The following TUSC3 variants were observed in gnomAD, a reference collection of about 807,000 sequenced individuals.
The protein encoded by TUSC3 is tumor suppressor candidate 3.
TUSC3 carries 45 observed loss-of-function variants against 44.8 expected under a neutral mutation model. The ratio of observed to expected loss-of-function variants is 1.00; its 90% CI spans 0.79 to 1.29. TUSC3 has a LOEUF of 1.29. Among genes scored for constraint, TUSC3 ranks in the 50% most tolerant of loss-of-function variants. TUSC3 has a pLI of 0.00. For synonymous variants in TUSC3, 212 were observed against 152.9 expected, an observed-to-expected ratio of 1.39 and a Z score of -2.85; for missense variants, 519 against 437.9, an observed-to-expected ratio of 1.19 and a Z score of -1.65.
At chr8:15,787,932 A>C in the TUSC3 span, among the ~76,000 whole-genome samples, 480 of 152,360 alleles carry the variant, frequency 3.2e-3, 6 homozygotes, top group East Asian at 0.06. Flanking sequence ...TTATGTAGTC[A>C]TAACAGGTAA....
At chr8:15,547,616 C>G (rs1453090836) in intron 1 of TUSC3, among the ~76,000 whole-genome samples, 1 of 150,640 alleles carries the variant, frequency 6.6e-6, no homozygotes, top group Non-Finnish European at 1.5e-5. Context: ...TGTTTATGTT[C>G]CCACAAAATT....
At chr8:15,609,930 T>G (rs1804691337) in intron 1 of TUSC3, among the ~76,000 whole-genome samples, 2 of 152,138 alleles carry the variant, frequency 1.3e-5, no homozygotes, top group Admixed American at 6.6e-5. Flanking sequence ...TTCCACTTAC[T>G]GTTATGATAT....
At chr8:15,498,501 A>G in intron 2 of TUSC3, among the ~76,000 whole-genome samples, 1 of 152,214 alleles carries the variant, frequency 6.6e-6, no homozygotes, top group Admixed American at 6.5e-5. Flanking sequence ...GTGAGTTGCC[A>G]AGGAATCCAC....
In TUSC3 at chr8:15,651,010, C is replaced by T. The variant is rs73195129; in HGVS notation, c.426+196C>T. 6 of 558,054 alleles carry T rather than the reference C, an allele frequency of 1.1e-5. No individual in the cohort carries two copies. In the African/African-American group the frequency reaches 1.2e-4, roughly 11 times the overall value. The allele number at this position is 558,054 out of a possible 1,614,324, so 34.6% of individuals were successfully genotyped here. A position where few individuals can be genotyped will look rare whatever the true frequency, so the allele number is the denominator to read the frequency against. On this transcript the variant is annotated intron_variant, in intron 3 of 10. Transcript: ENST00000503731. ...ACACACACACACACACACACACACACACACACACACACAAATACAATTCAT... is the reference window on the plus strand; with the variant it reads ...ACACACACACACACACACACACACATACACACACACACAAATACAATTCAT...
At position 15,466,158 on chromosome 8, in the gene TUSC3, A is replaced by T. The variant is rs373207354; in HGVS notation, n.92-17228A>T. ...AATGACCTCACTATTATTTTGAAACATGTATGTTAAAGGTTGTTTTTCTCC... is the reference window on the plus strand; with the variant it reads ...AATGACCTCACTATTATTTTGAAACTTGTATGTTAAAGGTTGTTTTTCTCC... On this transcript the variant is annotated intron_variant and non_coding_transcript_variant, in intron 1 of 5. Coordinates refer to the TUSC3 transcript ENST00000503191. 5.4e-4 allele frequency among the ~76,000 whole-genome samples: 82 copies of T among 152,252 alleles called. 1 individual carries two copies. The South Asian group carries it at 0.016, about 29-fold the overall frequency.
chr8:15,511,312 T>C (rs1277005177), intron 2 of TUSC3, among the ~76,000 whole-genome samples: 19 of 151,772 alleles, frequency 1.3e-4, no homozygotes, highest in Admixed American at 1.1e-3. Flanking sequence ...GAAATCCAGA[T>C]TGGAATAGAA....
intron 1 of TUSC3, among the ~76,000 whole-genome samples, chr8:15,550,994 A>C (rs1283426842): frequency 6.6e-6 from 1 of 151,760 alleles, no homozygotes; most frequent in East Asian, 1.9e-4. Flanking sequence ...GACCTTGTAA[A>C]AATTCTAGAT....
chr8:15,518,480 G>GATAATAATAAAT, intron 2 of TUSC3, among the ~76,000 whole-genome samples: 1 of 152,168 alleles, frequency 6.6e-6, no homozygotes, highest in Admixed American at 6.5e-5. Flanking sequence ...CTATATATGG[G>GATAATAATAAAT]ATATTATATT....
chr8:15,646,278 CTATT>C (rs1490464511), intron 2 of TUSC3, among the ~76,000 whole-genome samples: 1 of 152,064 alleles, frequency 6.6e-6, no homozygotes, highest in Non-Finnish European at 1.5e-5. Flanking sequence ...GAAACACAGA[CTATT>C]TGAGTGTGGT....
intron 1 of TUSC3, among the ~76,000 whole-genome samples, chr8:15,559,469 T>A (rs995750512): frequency 6.8e-6 from 1 of 147,098 alleles, no homozygotes; most frequent in African/African-American, 2.5e-5. Flanking sequence ...CTGACAAAAA[T>A]GTATATTCTG....
chr8:15,714,284 C>A (rs543283282), intron 6 of TUSC3, among the ~76,000 whole-genome samples: 3 of 152,060 alleles, frequency 2.0e-5, no homozygotes, highest in African/African-American at 7.2e-5. Context: ...GTGTAAATAA[C>A]AAGTGTAGCA....
At chr8:15,435,787 C>T (rs1054734864) in intron 1 of TUSC3, among the ~76,000 whole-genome samples, 11 of 152,294 alleles carry the variant, frequency 7.2e-5, no homozygotes, top group East Asian at 5.8e-4. Flanking sequence ...ATAGGCATAG[C>T]GTTGCAATTT....
At chr8:15,815,679 G>T in the TUSC3 span, among the ~76,000 whole-genome samples, 2 of 152,082 alleles carry the variant, frequency 1.3e-5, no homozygotes, top group Non-Finnish European at 2.9e-5. Context: ...CTAATGTTCA[G>T]CAATTCCCAT....
Position 15,724,195 on chromosome 8 carries a change from C to T in TUSC3, c.799-6471C>T, listed in dbSNP as rs114003279. Among the ~76,000 whole-genome samples, 343 of 152,224 alleles carry T rather than the reference C, an allele frequency of 2.3e-3. 2 individuals are homozygous for T. Among genetic ancestry groups the T allele is most frequent in the African/African-American group, 7.9e-3 (329 of 41,554 alleles). On this transcript the variant is annotated intron_variant, in intron 6 of 10. Coordinates refer to ENST00000503731, the MANE Select transcript of TUSC3 (RefSeq NM_006765.4). ...CTGTCTTCTGCCCAAGGGGATCCCT[C>T]ACCAGACACCAATCCCATTGGCACC... is the stretch of plus-strand genomic sequence containing the variant.
intron 2 of TUSC3, among the ~76,000 whole-genome samples, chr8:15,635,286 C>T (rs912429062): frequency 1.3e-5 from 2 of 152,156 alleles, no homozygotes; most frequent in East Asian, 1.9e-4. Flanking sequence ...TGTGTTTAGT[C>T]ACCAAACTGC....
At chr8:15,654,962 T>C (rs574169550) in intron 3 of TUSC3, among the ~76,000 whole-genome samples, 24 of 152,318 alleles carry the variant, frequency 1.6e-4, no homozygotes, top group African/African-American at 5.8e-4. Flanking sequence ...TTTATTTTTA[T>C]ATGCCTCTAC....
intron 6 of TUSC3, among the ~76,000 whole-genome samples, chr8:15,721,778 G>A (rs1398344752): frequency 6.6e-6 from 1 of 152,014 alleles, no homozygotes; most frequent in Non-Finnish European, 1.5e-5. Context: ...TTCAGTCACA[G>A]GACAGACTTT....
intron 2 of TUSC3, among the ~76,000 whole-genome samples, chr8:15,513,134 C>G (rs916392986): frequency 6.6e-6 from 1 of 151,232 alleles, no homozygotes; most frequent in East Asian, 1.9e-4. Context: ...GAAAATAACT[C>G]ACAAATGAGT....
At chr8:15,600,024 C>A (rs1804218311) in intron 1 of TUSC3, among the ~76,000 whole-genome samples, 2 of 151,796 alleles carry the variant, frequency 1.3e-5, no homozygotes, top group Middle Eastern at 3.4e-3. Context: ...TTTATTTCTT[C>A]TTTAGTAATC....
Sources: gnomAD v4.1 joint callset for allele counts (sites outside exome capture counted in the v4.1 genomes callset) on GRCh38, gnomAD v4.1.1 for gene constraint, MANE v1.5 for transcripts, NCBI Gene and HGNC (gene_info 2026-07-23, HGNC 2026-07-21) for gene names.